The following DYDC1 variants were observed in gnomAD, a reference collection of about 807,000 sequenced individuals.
The protein encoded by DYDC1 is DPY30 domain-containing protein 1.
In DYDC1, 21 loss-of-function variants were observed where a neutral mutation model predicts 27.9. That is an observed-to-expected ratio of 0.75 (90% confidence interval 0.53 to 1.08). The LOEUF (loss-of-function observed/expected upper bound fraction) is 1.08, where lower values mean the gene tolerates loss of function less well. DYDC1 is among the 50% of genes least tolerant of loss of function. The probability of loss-of-function intolerance (pLI) is 0.00; values close to 1 mark genes in which losing one functional copy is unlikely to be tolerated. For missense variants in DYDC1, 202 were observed against 205.9 expected (o/e 0.98, Z 0.12); for synonymous variants, 67 against 65.8 (o/e 1.02, Z -0.09).
chr10:80,337,635 C>T (rs1407486828), intron 6 of DYDC1, among the ~76,000 whole-genome samples: 1 of 151,842 alleles, frequency 6.6e-6, no homozygotes, highest in Non-Finnish European at 1.5e-5. Flanking sequence ...CTGGCCTCAG[C>T]TCTCACCCCT....
At chr10:80,352,032 A>G (rs111811029) in intron 2 of DYDC1, 30 bp from the exon 3 acceptor site, 4 of 1,604,398 alleles carry the variant, frequency 2.5e-6, no homozygotes, top group Non-Finnish European at 3.4e-6. Context: ...ACAGCACACG[A>G]CTTCTTAGCG....
At chr10:80,348,255 A>G (rs1842785320) in intron 3 of DYDC1, among the ~76,000 whole-genome samples, 1 of 152,214 alleles carries the variant, frequency 6.6e-6, no homozygotes, top group Non-Finnish European at 1.5e-5. Context: ...TTTTTCGAGT[A>G]AGTTATTGGT....
intron 1 of DYDC1, among the ~76,000 whole-genome samples, chr10:80,356,046 T>G (rs1458816863): frequency 1.4e-5 from 2 of 143,868 alleles, no homozygotes; most frequent in South Asian, 2.3e-4. Flanking sequence ...GGATAAAATG[T>G]GGGAAGGGAG....
At position 80,356,081 on chromosome 10, in the gene DYDC1, G is replaced by C. The variant is rs577432860; in HGVS notation, c.-10+631C>G. Among the ~76,000 whole-genome samples the C allele has an allele frequency of 8.6e-5, 13 of 152,026 alleles. No individual in the cohort carries two copies. The East Asian group carries it at 2.5e-3, about 29-fold the overall frequency. On this transcript the variant is annotated intron_variant, in intron 1 of 6. Transcript: ENST00000372202. The stretch of plus-strand genomic sequence containing the variant: ...GGAAGGGGACCATTATCCCTAAAGA[G>C]AAAACTTCTGGCCTACCAGCGGGGC...
intron 3 of DYDC1, among the ~76,000 whole-genome samples, chr10:80,346,778 A>G (rs1262671120): frequency 6.6e-6 from 1 of 151,804 alleles, no homozygotes; most frequent in Non-Finnish European, 1.5e-5. Flanking sequence ...TCCCTTTCTG[A>G]TAACAGCCAT....
At chr10:80,342,223 C>T in intron 4 of DYDC1, 46 bp downstream of exon 4, 2 of 1,575,134 alleles carry the variant, frequency 1.3e-6, no homozygotes, top group African/African-American at 1.3e-5. Context: ...TTTGAAGATT[C>T]TAGAGAGTTT....
intron 6 of DYDC1, among the ~76,000 whole-genome samples, chr10:80,336,613 T>C (rs1842143621): frequency 6.6e-6 from 1 of 152,246 alleles, no homozygotes; most frequent in Admixed American, 6.5e-5. Context: ...TCAACTGTTC[T>C]TGGCTGTTTT....
At chr10:80,341,094 C>T (rs192450159) in intron 4 of DYDC1, among the ~76,000 whole-genome samples, 25 of 152,062 alleles carry the variant, frequency 1.6e-4, no homozygotes, top group African/African-American at 6.0e-4. Flanking sequence ...CTTTTTTCAG[C>T]TTTAATTATG....
chr10:80,348,497 G>T (rs10749562), intron 3 of DYDC1, among the ~76,000 whole-genome samples: 119,338 of 152,246 alleles, frequency 0.78, 47,752 homozygotes, highest in East Asian at 0.97. Context: ...CTTTATACAC[G>T]TCCAGTGCTG....
chr10:80,342,176 A>T (rs1842351124), intron 4 of DYDC1, 93 bp downstream of exon 4: 1 of 1,263,638 alleles, frequency 7.9e-7, no homozygotes, highest in South Asian at 1.3e-5. Context: ...CAGACTACAA[A>T]TCCCATGGTC....
intron 4 of DYDC1, among the ~76,000 whole-genome samples, chr10:80,340,929 T>A (rs923774412): frequency 6.6e-6 from 1 of 152,210 alleles, no homozygotes; most frequent in Non-Finnish European, 1.5e-5. Flanking sequence ...AGCATCTGTA[T>A]TTTTTAAAAC....
intron 2 of DYDC1, among the ~76,000 whole-genome samples, 186 bp downstream of exon 2, chr10:80,352,269 T>C (rs989476462): frequency 6.6e-6 from 1 of 152,210 alleles, no homozygotes; most frequent in Admixed American, 6.5e-5. Flanking sequence ...AGGAATTACC[T>C]AAAAATCTAA....
At chr10:80,346,233 T>G in intron 3 of DYDC1, among the ~76,000 whole-genome samples, 1 of 152,194 alleles carries the variant, frequency 6.6e-6, no homozygotes, top group Non-Finnish European at 1.5e-5. Flanking sequence ...GCAATGGACA[T>G]GGGAGTGCAA....
intron 3 of DYDC1, among the ~76,000 whole-genome samples, chr10:80,350,162 T>C (rs1842901446): frequency 1.3e-5 from 2 of 152,206 alleles, no homozygotes. Flanking sequence ...TCCTGTATAA[T>C]ATTATTTTCT....
intron 3 of DYDC1, among the ~76,000 whole-genome samples, chr10:80,345,646 AT>A (rs200935252): frequency 4.4e-4 from 65 of 148,292 alleles, no homozygotes; most frequent in South Asian, 4.1e-3. Flanking sequence ...TGTATTCAAC[AT>A]TTTTTTTTTA....
intron 3 of DYDC1, among the ~76,000 whole-genome samples, chr10:80,350,267 A>G (rs1348161568): frequency 2.6e-5 from 4 of 152,244 alleles, no homozygotes; most frequent in Non-Finnish European, 5.9e-5. Context: ...TATTGCTAGT[A>G]TTGCCAAATT....
At chr10:80,343,397 C>T (rs1470897082) in intron 3 of DYDC1, among the ~76,000 whole-genome samples, 3 of 152,170 alleles carry the variant, frequency 2.0e-5, no homozygotes, top group East Asian at 3.8e-4. Flanking sequence ...CTACAAACCG[C>T]AGTAACATCA....
Position 80,339,487 on chromosome 10 carries a change from G to T in DYDC1, c.343-334C>A, listed in dbSNP as rs1041122172. 2.7e-4 allele frequency among the ~76,000 whole-genome samples: 15 copies of T among 55,906 alleles called. No homozygotes were observed. The East Asian group carries it at 0.039, about 145-fold the overall frequency. The allele number at this position is 55,906 out of a possible 152,430, so 36.7% of individuals were successfully genotyped here. On this transcript the variant is annotated intron_variant, in intron 4 of 6. Transcript: ENST00000372202. Reference sequence around the variant, plus strand: ...ATTATAATAGAACCTTAGAACAAGAGATTTTTAAGGAGAAAACCACACTTA... The same window carrying T: ...ATTATAATAGAACCTTAGAACAAGATATTTTTAAGGAGAAAACCACACTTA...
At chr10:80,346,022 AT>A (rs964264821) in intron 3 of DYDC1, among the ~76,000 whole-genome samples, 2 of 151,824 alleles carry the variant, frequency 1.3e-5, no homozygotes, top group Non-Finnish European at 2.9e-5. Context: ...TAATTTATAC[AT>A]TTTTTCTAGA....
Sources: allele counts gnomAD v4.1 joint callset (sites outside exome capture counted in the v4.1 genomes callset), GRCh38; gene constraint gnomAD v4.1.1; transcripts MANE v1.5; gene names NCBI Gene and HGNC (gene_info 2026-07-23, HGNC 2026-07-21).